Variants in ANKS1B observed in about 807,000 individuals in gnomAD.
The protein encoded by ANKS1B is ankyrin repeat and sterile alpha motif domain containing 1B.
Under a neutral mutation model 148.3 loss-of-function variants are expected in ANKS1B, and 36 were observed. The ratio of observed to expected loss-of-function variants is 0.24; its 90% CI spans 0.19 to 0.32. The LOEUF is 0.32. Ranked by LOEUF, ANKS1B falls within the 10% of genes least tolerant of loss-of-function variation. The probability of loss-of-function intolerance (pLI) is 1.00; values close to 1 mark genes in which losing one functional copy is unlikely to be tolerated. For synonymous variants in ANKS1B, 542 were observed against 560.8 expected (o/e 0.97, Z 0.47); for missense variants, 1,157 against 1,542.6 (o/e 0.75, Z 4.19).
chr12:99,213,334 C>A (rs1186626338), intron 14 of ANKS1B, among the ~76,000 whole-genome samples: 1 of 152,192 alleles, frequency 6.6e-6, no homozygotes, highest in East Asian at 1.9e-4. Flanking sequence ...TGCTTTATTT[C>A]AAACATTGCT....
chr12:99,120,392 G>A (rs1008050648), intron 15 of ANKS1B, among the ~76,000 whole-genome samples: 1 of 152,134 alleles, frequency 6.6e-6, no homozygotes, highest in Non-Finnish European at 1.5e-5. Flanking sequence ...ATTTCAGTAT[G>A]TTTCTTTTCT....
intron 11 of ANKS1B, among the ~76,000 whole-genome samples, chr12:99,418,522 T>C (rs1199306105): frequency 6.6e-6 from 1 of 152,188 alleles, no homozygotes; most frequent in East Asian, 1.9e-4. Flanking sequence ...GAGTGCTGTT[T>C]TTGTTTTGTT....
chr12:99,029,880 G>C (rs1309377350), intron 17 of ANKS1B, among the ~76,000 whole-genome samples: 2 of 152,214 alleles, frequency 1.3e-5, no homozygotes, highest in Non-Finnish European at 2.9e-5. Context: ...CCCTTCCTCT[G>C]CTGTAAAATG....
At chr12:99,180,745 C>T (rs2079016918) in intron 14 of ANKS1B, among the ~76,000 whole-genome samples, 1 of 151,270 alleles carries the variant, frequency 6.6e-6, no homozygotes, top group African/African-American at 2.4e-5. Flanking sequence ...CTCAGGGGTC[C>T]AAACACAAAA....
At chr12:99,594,707 G>A (rs768351576) in intron 9 of ANKS1B, among the ~76,000 whole-genome samples, 21 of 151,926 alleles carry the variant, frequency 1.4e-4, no homozygotes, top group African/African-American at 3.6e-4. Flanking sequence ...TGGTTGGTAC[G>A]GGCTGGGGAG....
chr12:99,505,562 T>C (rs2096702780), intron 9 of ANKS1B, among the ~76,000 whole-genome samples: 1 of 150,208 alleles, frequency 6.7e-6, no homozygotes, highest in Admixed American at 6.7e-5. Flanking sequence ...ACATAAGGCA[T>C]TAATTGGTCA....
At chr12:98,958,252 T>C (rs775643972) in intron 17 of ANKS1B, among the ~76,000 whole-genome samples, 1 of 152,250 alleles carries the variant, frequency 6.6e-6, no homozygotes, top group Admixed American at 6.5e-5. Flanking sequence ...GGAATAACTA[T>C]AAATTATGAA....
At chr12:99,845,003 T>C (rs957739342) in intron 1 of ANKS1B, among the ~76,000 whole-genome samples, 10 of 152,168 alleles carry the variant, frequency 6.6e-5, no homozygotes, top group African/African-American at 2.4e-4. Context: ...CAATTGTGAA[T>C]GTGAGTTCAT....
intron 10 of ANKS1B, among the ~76,000 whole-genome samples, chr12:99,503,579 TTTC>T (rs2096676385): frequency 6.6e-6 from 1 of 152,284 alleles, no homozygotes; most frequent in South Asian, 2.1e-4. Flanking sequence ...TTGCACCTGC[TTTC>T]TTCTTATGTT....
chr12:99,893,384 C>A (rs1682957049), intron 1 of ANKS1B, among the ~76,000 whole-genome samples: 1 of 147,400 alleles, frequency 6.8e-6, no homozygotes. Context: ...GCACTCCAGC[C>A]TGGGAGACAG....
chr12:99,002,870 C>T (rs866227455), intron 17 of ANKS1B, among the ~76,000 whole-genome samples: 1 of 151,952 alleles, frequency 6.6e-6, no homozygotes, highest in Non-Finnish European at 1.5e-5. Flanking sequence ...ATGCTTTTGT[C>T]GCTGTGCTCT....
At chr12:99,654,237 C>T (rs2098439365) in intron 9 of ANKS1B, among the ~76,000 whole-genome samples, 1 of 152,094 alleles carries the variant, frequency 6.6e-6, no homozygotes, top group Admixed American at 6.6e-5. Flanking sequence ...GTGATGGTTT[C>T]TTAGACATAA....
intron 10 of ANKS1B, among the ~76,000 whole-genome samples, chr12:99,490,681 T>C (rs1437169015): frequency 1.3e-5 from 2 of 152,180 alleles, no homozygotes; most frequent in African/African-American, 4.8e-5. Context: ...TAGAATACAA[T>C]ATAATCAAGG....
intron 10 of ANKS1B, among the ~76,000 whole-genome samples, chr12:99,447,750 A>G (rs1405799011): frequency 6.6e-6 from 1 of 152,138 alleles, no homozygotes; most frequent in South Asian, 2.1e-4. Flanking sequence ...CAAACAACTC[A>G]TAGTGAGAAA....
chr12:99,595,949 T>C (rs777984614), intron 9 of ANKS1B, among the ~76,000 whole-genome samples: 4 of 151,946 alleles, frequency 2.6e-5, no homozygotes, highest in Non-Finnish European at 5.9e-5. Context: ...GTTTGTGATA[T>C]CAATTTAAAT....
chr12:98,943,623 G>C (rs1475890151), intron 17 of ANKS1B, among the ~76,000 whole-genome samples: 2 of 152,032 alleles, frequency 1.3e-5, no homozygotes, highest in East Asian at 3.9e-4. Context: ...CCATCTCTCT[G>C]GTTCCCTCTT....
At chr12:99,668,744 C>G (rs1455941955) in intron 8 of ANKS1B, among the ~76,000 whole-genome samples, 1 of 151,490 alleles carries the variant, frequency 6.6e-6, no homozygotes, top group African/African-American at 2.4e-5. Context: ...TCTTTCATTC[C>G]TAACCCCTCC....
At chr12:99,304,403 T>C (rs1455709186) in intron 12 of ANKS1B, among the ~76,000 whole-genome samples, 1 of 152,152 alleles carries the variant, frequency 6.6e-6, no homozygotes, top group Non-Finnish European at 1.5e-5. Flanking sequence ...TCTAGTCTAT[T>C]ATATTTTCTT....
At chr12:99,011,306 T>C (rs549312427) in intron 17 of ANKS1B, among the ~76,000 whole-genome samples, 50 of 152,142 alleles carry the variant, frequency 3.3e-4, no homozygotes, top group Non-Finnish European at 5.9e-4. Flanking sequence ...TCCTGAATGA[T>C]TAAAAATTGG....
Sources: allele counts gnomAD v4.1 joint callset (sites outside exome capture counted in the v4.1 genomes callset), GRCh38; gene constraint gnomAD v4.1.1; transcripts MANE v1.5; gene names NCBI Gene and HGNC (gene_info 2026-07-23, HGNC 2026-07-21).